Variants in PTPRG observed in about 807,000 individuals in gnomAD.
The protein encoded by PTPRG is protein tyrosine phosphatase receptor type G.
A neutral mutation model predicts 165.3 loss-of-function variants in PTPRG; 102 were observed. The ratio of observed to expected loss-of-function variants is 0.62; its 90% CI spans 0.53 to 0.73. PTPRG has a LOEUF of 0.73. Ranked by LOEUF, PTPRG falls within the 30% of genes least tolerant of loss-of-function variation. PTPRG has a pLI of 0.00. For missense variants in PTPRG, 1,866 were observed against 1,861.4 expected, an observed-to-expected ratio of 1.00 and a Z score of -0.05; for synonymous variants, 675 against 669.5, an observed-to-expected ratio of 1.01 and a Z score of -0.13.
intron 5 of PTPRG, among the ~76,000 whole-genome samples, chr3:62,120,206 G>C (rs1703014874): frequency 6.6e-6 from 1 of 152,088 alleles, no homozygotes; most frequent in South Asian, 2.1e-4. Flanking sequence ...AGAGAAAGCA[G>C]GCAAACCAGT....
At chr3:61,674,588 T>G (rs1407115140) in intron 1 of PTPRG, among the ~76,000 whole-genome samples, 1 of 151,716 alleles carries the variant, frequency 6.6e-6, no homozygotes, top group Admixed American at 6.6e-5. Context: ...TCCAAAAAAT[T>G]CGATTGATGT....
intron 1 of PTPRG, among the ~76,000 whole-genome samples, chr3:61,714,500 A>G (rs1256524340): frequency 6.6e-6 from 1 of 152,202 alleles, no homozygotes; most frequent in Non-Finnish European, 1.5e-5. Flanking sequence ...TGGGAGAGCC[A>G]CAAGATAGAA....
intron 2 of PTPRG, among the ~76,000 whole-genome samples, chr3:61,843,239 T>G (rs191738586): frequency 3.3e-5 from 5 of 152,000 alleles, no homozygotes; most frequent in Non-Finnish European, 7.4e-5. Context: ...AGAAATAACT[T>G]GAAAAAACAA....
chr3:62,216,429 T>A (rs1204354560), intron 12 of PTPRG, among the ~76,000 whole-genome samples: 2 of 152,066 alleles, frequency 1.3e-5, no homozygotes, highest in Non-Finnish European at 2.9e-5. Flanking sequence ...GTCCCTCCTG[T>A]ACCCAAGGGC....
At chr3:62,045,230 A>T (rs994199615) in intron 4 of PTPRG, among the ~76,000 whole-genome samples, 2 of 152,200 alleles carry the variant, frequency 1.3e-5, no homozygotes, top group African/African-American at 4.8e-5. Flanking sequence ...CCAGATGGAA[A>T]GCCTTGAATT....
intron 1 of PTPRG, among the ~76,000 whole-genome samples, chr3:61,696,632 G>A (rs1203441951): frequency 6.6e-6 from 1 of 152,176 alleles, no homozygotes; most frequent in East Asian, 1.9e-4. Flanking sequence ...TATTCATACT[G>A]GCTGGGTACT....
rs201820043 is a variant in PTPRG at position 62,267,529 on chromosome 3, A to T, written c.2739+37A>T. On this transcript the variant is annotated intron_variant, in intron 18 of 29. Coordinates refer to ENST00000474889, the MANE Select transcript of PTPRG (RefSeq NM_002841.4). ...CTGTTATTATAAACCTGTTTCTAGA[A>T]ATTGAAGACTGCAGCAGAAACTGTT... is the stretch of plus-strand genomic sequence containing the variant. 4 of 1,562,660 alleles carry T rather than the reference A, an allele frequency of 2.6e-6. No homozygotes were observed. In the East Asian group the frequency reaches 9.0e-5, roughly 35 times the overall value.
At chr3:62,147,787 T>C (rs1402307598) in intron 6 of PTPRG, among the ~76,000 whole-genome samples, 1 of 152,202 alleles carries the variant, frequency 6.6e-6, no homozygotes, top group African/African-American at 2.4e-5. Context: ...GTCTTCGCTC[T>C]TGTGGAATAA....
intron 2 of PTPRG, among the ~76,000 whole-genome samples, chr3:61,816,374 A>G (rs1361817601): frequency 6.6e-6 from 1 of 152,136 alleles, no homozygotes; most frequent in South Asian, 2.1e-4. Flanking sequence ...TGCTAAAAAT[A>G]CAAAAAAAAT....
At chr3:61,849,281 A>G (rs934270449) in intron 2 of PTPRG, among the ~76,000 whole-genome samples, 1 of 152,332 alleles carries the variant, frequency 6.6e-6, no homozygotes, top group African/African-American at 2.4e-5. Flanking sequence ...ATGCTTTCAA[A>G]TCAACATAAT....
At chr3:62,216,218 GAA>G (rs11386316) in intron 12 of PTPRG, among the ~76,000 whole-genome samples, 10 of 135,710 alleles carry the variant, frequency 7.4e-5, no homozygotes, top group African/African-American at 2.1e-4. Flanking sequence ...TTTCAAAAAA[GAA>G]AAAAAAAAAA....
At chr3:61,892,744 A>AG (rs542575957) in intron 2 of PTPRG, among the ~76,000 whole-genome samples, 294 of 151,588 alleles carry the variant, frequency 1.9e-3, no homozygotes, top group African/African-American at 6.3e-3. Context: ...TGAACCCGGG[A>AG]GGGGGAGGTT....
rs549422457 is a variant in PTPRG, at chr3:62,228,956, G to A, written c.2289-2269G>A. Among the ~76,000 whole-genome samples, 1 of 152,280 alleles carries A rather than the reference G, an allele frequency of 6.6e-6. No homozygotes were observed. The highest frequency in any genetic ancestry group is 1.9e-4 in the East Asian group (1 of 5,182). ...TTTTTTTCTTTTAAAACTGGTGAGTGTGCCATTCTTTTCTTTTTGGAACCC... is the reference window on the plus strand; with the variant it reads ...TTTTTTTCTTTTAAAACTGGTGAGTATGCCATTCTTTTCTTTTTGGAACCC... On this transcript the variant is annotated intron_variant, in intron 13 of 29. Coordinates refer to ENST00000474889, the MANE Select transcript of PTPRG (RefSeq NM_002841.4). This position sits in a 1 kb window ranked among gnomAD's most constrained non-coding sequence, Gnocchi z 4.1.
intron 1 of PTPRG, chr3:61,742,620 T>C (rs1395197086): frequency 7.5e-6 from 12 of 1,603,822 alleles, no homozygotes; most frequent in Non-Finnish European, 1.0e-5. Context: ...CAGCCAGACA[T>C]AACACCTTCT....
intron 14 of PTPRG, among the ~76,000 whole-genome samples, chr3:62,239,450 C>CTCCCAGGT (rs779801450): frequency 9.4e-5 from 14 of 148,268 alleles, no homozygotes; most frequent in African/African-American, 3.5e-4. Context: ...CAACCTCTGC[C>CTCCCAGGT]TCCCAGGTTC....
chr3:61,863,052 AAG>A (rs4019716), intron 2 of PTPRG, among the ~76,000 whole-genome samples: 41,691 of 152,034 alleles, frequency 0.27, 6,128 homozygotes, highest in East Asian at 0.57. Context: ...CCTTTTTCTG[AAG>A]AGAGATTGAT....
At chr3:62,215,098 CAGG>C (rs946989849) in intron 12 of PTPRG, among the ~76,000 whole-genome samples, 5 of 152,110 alleles carry the variant, frequency 3.3e-5, no homozygotes, top group African/African-American at 1.2e-4. Context: ...CAGGGAACAG[CAGG>C]AGATGATGCT....
rs1287861300 is a variant in PTPRG at position 61,738,313 on chromosome 3, C to CATAT, written c.86-10544_86-10541dup. The stretch of plus-strand genomic sequence containing the variant: ...ATATATATATATATATATATATATA[C>CATAT]ATATATATATATATATATATATATG... On this transcript the variant is annotated intron_variant, in intron 1 of 29. Transcript: ENST00000474889. 6.0e-4 allele frequency among the ~76,000 whole-genome samples: 46 copies of CATAT among 76,182 alleles called. 2 individuals carry two copies. Among genetic ancestry groups the CATAT allele is most frequent in the South Asian group, 2.8e-3 (5 of 1,784 alleles). The allele number at this position is 76,182 out of a possible 152,430, so 50.0% of individuals were successfully genotyped here. A position where few individuals can be genotyped will look rare whatever the true frequency, so the allele number is the denominator to read the frequency against.
chr3:61,572,527 AAAAAT>A (rs1700079641), intron 1 of PTPRG, among the ~76,000 whole-genome samples: 1 of 152,180 alleles, frequency 6.6e-6, no homozygotes, highest in African/African-American at 2.4e-5. Context: ...ATTTAAAAGA[AAAAAT>A]AAATTAAAAA....
Sources: allele counts gnomAD v4.1 joint callset (sites outside exome capture counted in the v4.1 genomes callset), GRCh38; gene constraint gnomAD v4.1.1; non-coding constraint Gnocchi (gnomAD v3.1); transcripts MANE v1.5; gene names NCBI Gene and HGNC (gene_info 2026-07-23, HGNC 2026-07-21).